Variants in MALRD1 observed in about 807,000 individuals in gnomAD.
MALRD1 encodes MAM and LDL-receptor class A domain-containing protein 1.
MALRD1 carries 247 observed loss-of-function variants against 242.1 expected under a neutral mutation model. The observed-to-expected ratio is 1.02, with a 90% CI of 0.92 to 1.13. The LOEUF is 1.13. MALRD1 is among the 50% of genes most tolerant of loss of function. MALRD1 has a pLI of 0.00. For missense variants in MALRD1, 2,989 were observed against 2,533.1 expected, an observed-to-expected ratio of 1.18 and a Z score of -3.86; for synonymous variants, 995 against 866.6, an observed-to-expected ratio of 1.15 and a Z score of -2.60.
rs1840531418 is a variant in MALRD1 at position 19,276,428 on chromosome 10, G to T, written c.3080-3619G>T. Among the ~76,000 whole-genome samples, 11 of 152,172 alleles carry T rather than the reference G, an allele frequency of 7.2e-5. 1 individual carries two copies. The South Asian group carries it at 2.3e-3, about 32-fold the overall frequency. On this transcript the variant is annotated intron_variant, in intron 19 of 39. Coordinates refer to ENST00000454679, the MANE Select transcript of MALRD1 (RefSeq NM_001142308.3). ...ACATTTTAAAAGGATGATTTTCAAA[G>T]AAATTTGTTCCATATATTCCACTGA...
intron 36 of MALRD1, among the ~76,000 whole-genome samples, chr10:19,640,720 T>C (rs1180557746): frequency 1.3e-5 from 2 of 152,186 alleles, no homozygotes; most frequent in African/African-American, 4.8e-5. Context: ...AAGGTTTCTT[T>C]TAAAATTTCA....
At chr10:19,532,723 A>T (rs74347436) in intron 32 of MALRD1, among the ~76,000 whole-genome samples, 7,498 of 125,264 alleles carry the variant, frequency 0.06, 249 homozygotes, top group Non-Finnish European at 0.091. Context: ...CATGCAAAGA[A>T]AGTTGAGAAT....
At position 19,214,248 on chromosome 10, in the gene MALRD1, T is replaced by C. The variant is rs190141683; in HGVS notation, c.2991+4568T>C. ...GCTCAGGGAGAACAATGGGCTCCTC[T>C]TGGGCTCTTCTCCTGGAGTACTGGG... On this transcript the variant is annotated intron_variant, in intron 18 of 39. Coordinates refer to ENST00000454679, the MANE Select transcript of MALRD1 (RefSeq NM_001142308.3). Among the ~76,000 whole-genome samples the C allele has an allele frequency of 1.4e-4, 21 of 152,320 alleles. No homozygotes were observed. The South Asian group carries it at 1.7e-3, about 12-fold the overall frequency.
intron 2 of MALRD1, among the ~76,000 whole-genome samples, chr10:19,069,699 A>G (rs1206116309): frequency 6.6e-6 from 1 of 150,784 alleles, no homozygotes; most frequent in Admixed American, 6.6e-5. Context: ...TTAGTGCTTT[A>G]AAGACATTAT....
chr10:19,485,870 G>A (rs1270859522), intron 29 of MALRD1, among the ~76,000 whole-genome samples: 3 of 151,780 alleles, frequency 2.0e-5, no homozygotes, highest in Admixed American at 6.6e-5. Flanking sequence ...ACAACTCTAT[G>A]ATGAATAATA....
chr10:19,692,378 C>T lies in MALRD1; in HGVS notation c.6217+17C>T, dbSNP rs530307944. 157 of 1,533,360 alleles carry T rather than the reference C, an allele frequency of 1.0e-4. 3 individuals carry two copies. The South Asian group carries it at 1.8e-3, about 18-fold the overall frequency. The allele number at this position is 1,533,360 out of a possible 1,614,324, so 95.0% of individuals were successfully genotyped here. A position where few individuals can be genotyped will look rare whatever the true frequency, so the allele number is the denominator to read the frequency against. ...CTCAGAATAGTAGGTGACATTATGA[C>T]TAAATAAATGGCTTGGTTTGGGGTG... On this transcript the variant is annotated intron_variant, in intron 37 of 39. Coordinates refer to ENST00000454679, the MANE Select transcript of MALRD1 (RefSeq NM_001142308.3).
chr10:19,374,136 A>T (rs186043917), intron 26 of MALRD1, among the ~76,000 whole-genome samples: 136 of 152,314 alleles, frequency 8.9e-4, no homozygotes, highest in Non-Finnish European at 1.2e-3. Flanking sequence ...GTTTTCAATG[A>T]CTTAGTCTGC....
chr10:19,289,946 T>C (rs1368051295), intron 21 of MALRD1, among the ~76,000 whole-genome samples: 3 of 152,158 alleles, frequency 2.0e-5, no homozygotes, highest in Non-Finnish European at 2.9e-5. Flanking sequence ...AAAGTAAGGA[T>C]TATTTATAAG....
chr10:19,307,247 C>T (rs190238145), intron 21 of MALRD1, among the ~76,000 whole-genome samples: 6 of 151,450 alleles, frequency 4.0e-5, no homozygotes, highest in Non-Finnish European at 3.0e-5. Flanking sequence ...TCACCTGAAC[C>T]GAAGGATTTT....
At chr10:19,187,401 A>G (rs1021882690) in intron 14 of MALRD1, among the ~76,000 whole-genome samples, 1 of 152,160 alleles carries the variant, frequency 6.6e-6, no homozygotes, top group Non-Finnish European at 1.5e-5. Flanking sequence ...TGGTATTGTA[A>G]CAAAGACTTG....
At chr10:19,569,091 T>C (rs1022297053) in intron 33 of MALRD1, among the ~76,000 whole-genome samples, 3 of 152,150 alleles carry the variant, frequency 2.0e-5, no homozygotes, top group Non-Finnish European at 4.4e-5. Flanking sequence ...TCGATATTCA[T>C]ATAGTAATAA....
chr10:19,231,651 C>T (rs529050037), intron 18 of MALRD1, among the ~76,000 whole-genome samples: 8 of 152,194 alleles, frequency 5.3e-5, no homozygotes, highest in Non-Finnish European at 1.2e-4. Context: ...TAAGATGTGC[C>T]TTTGCTTCTT....
chr10:19,149,235 C>T (rs1344774723), intron 11 of MALRD1, among the ~76,000 whole-genome samples: 1 of 152,070 alleles, frequency 6.6e-6, no homozygotes, highest in Non-Finnish European at 1.5e-5. Context: ...CCTGCCTTTT[C>T]CTCCCAAGTA....
intron 9 of MALRD1, among the ~76,000 whole-genome samples, chr10:19,135,574 T>C (rs143145799): frequency 6.6e-6 from 1 of 152,362 alleles, no homozygotes; most frequent in African/African-American, 2.4e-5. Context: ...TGCTGTTTAA[T>C]AGAACTTTCT....
chr10:19,455,527 A>G (rs1310268537), intron 29 of MALRD1, among the ~76,000 whole-genome samples: 2 of 152,178 alleles, frequency 1.3e-5, no homozygotes, highest in Non-Finnish European at 1.5e-5. Flanking sequence ...TTTTTCATCT[A>G]TAAAATAGTA....
chr10:19,141,624 T>G (rs1833546395), intron 10 of MALRD1, among the ~76,000 whole-genome samples: 1 of 152,000 alleles, frequency 6.6e-6, no homozygotes, highest in African/African-American at 2.4e-5. Flanking sequence ...TATATATATA[T>G]AGAATCTACT....
intron 36 of MALRD1, among the ~76,000 whole-genome samples, chr10:19,629,254 G>A (rs1028985798): frequency 1.3e-5 from 2 of 152,166 alleles, no homozygotes; most frequent in African/African-American, 4.8e-5. Context: ...CATCCAGGGA[G>A]GGCATCCTCT....
intron 18 of MALRD1, among the ~76,000 whole-genome samples, chr10:19,237,774 C>G (rs183542075): frequency 0.11 from 10,795 of 102,800 alleles, 527 homozygotes; most frequent in Non-Finnish European, 0.13. Context: ...TATATAAAAA[C>G]ATAATTATTT....
chr10:19,403,195 T>A (rs1846945164), intron 28 of MALRD1, among the ~76,000 whole-genome samples: 3 of 152,182 alleles, frequency 2.0e-5, no homozygotes, highest in Non-Finnish European at 4.4e-5. Flanking sequence ...TAGTCCTGAT[T>A]TAAAACCCTT....
Sources: gnomAD v4.1 joint callset for allele counts (sites outside exome capture counted in the v4.1 genomes callset) on GRCh38, gnomAD v4.1.1 for gene constraint, MANE v1.5 for transcripts, NCBI Gene and HGNC (gene_info 2026-07-23, HGNC 2026-07-21) for gene names.